The following FILIP1 variants were observed in gnomAD, a reference collection of about 807,000 sequenced individuals.
FILIP1 encodes the protein filamin A interacting protein 1.
FILIP1 carries 61 observed loss-of-function variants against 102.1 expected under a neutral mutation model. That is an observed-to-expected ratio of 0.60 (90% confidence interval 0.49 to 0.74). The LOEUF is 0.74. FILIP1 is among the 30% of genes least tolerant of loss of function. The probability of loss-of-function intolerance (pLI) is 0.00; values close to 1 mark genes in which losing one functional copy is unlikely to be tolerated. For missense variants in FILIP1, 1,314 were observed against 1,441.2 expected (o/e 0.91, Z 1.43); for synonymous variants, 491 against 526.9 (o/e 0.93, Z 0.93).
At chr6:75,396,600 C>G (rs549319425) in intron 2 of FILIP1, among the ~76,000 whole-genome samples, 9 of 152,210 alleles carry the variant, frequency 5.9e-5, no homozygotes, top group Non-Finnish European at 1.0e-4. Flanking sequence ...TTGATCTCCT[C>G]TCTGCTGTAG....
At chr6:75,379,651 CT>C (rs1330132195) in intron 2 of FILIP1, among the ~76,000 whole-genome samples, 1 of 152,200 alleles carries the variant, frequency 6.6e-6, no homozygotes, top group East Asian at 1.9e-4. Context: ...ACTACCTCCT[CT>C]CTCCTTGGCT....
downstream of FILIP1, among the ~76,000 whole-genome samples, chr6:75,306,573 T>C (rs140738847): frequency 3.3e-5 from 5 of 152,312 alleles, no homozygotes; most frequent in East Asian, 9.6e-4. Context: ...GCGTTGAATG[T>C]TCACTTTATG....
chr6:75,485,992 C>CACAT (rs1325428788), intron 1 of FILIP1, among the ~76,000 whole-genome samples: 5 of 138,464 alleles, frequency 3.6e-5, no homozygotes, highest in Middle Eastern at 3.5e-3. Flanking sequence ...CACACACACA[C>CACAT]ACACATACAC....
At chr6:75,307,939 TTTA>T, downstream of FILIP1, 1 of 724,660 alleles carries the variant, frequency 1.4e-6, no homozygotes, top group Non-Finnish European at 1.7e-6. Context: ...TATTCCACAA[TTTA>T]AATCAATTGC....
intron 4 of FILIP1, among the ~76,000 whole-genome samples, chr6:75,327,744 A>G (rs1773920772): frequency 6.6e-6 from 1 of 151,836 alleles, no homozygotes; most frequent in African/African-American, 2.4e-5. Flanking sequence ...TATTCTTTAT[A>G]AATTAATAAA....
chr6:75,390,650 T>G (rs558565262), intron 2 of FILIP1, among the ~76,000 whole-genome samples: 1 of 152,214 alleles, frequency 6.6e-6, no homozygotes, highest in East Asian at 1.9e-4. Flanking sequence ...TGCTAAACCA[T>G]TCATGAGAAA....
In FILIP1 at chr6:75,351,687, C is replaced by T. The variant is rs114751645; in HGVS notation, c.629+1852G>A. Among the ~76,000 whole-genome samples, 1,259 of 152,250 alleles carry T rather than the reference C, an allele frequency of 8.3e-3. 25 individuals are homozygous for T. The highest frequency in any genetic ancestry group is 0.028 in the African/African-American group (1,172 of 41,534). The stretch of plus-strand genomic sequence containing the variant: ...GGCTGTGCCATATAGCCTAGGTGTG[C>T]AGTTGGCTATACATCTAAGTTTGTG... On this transcript the variant is annotated intron_variant, in intron 4 of 5. Coordinates refer to ENST00000237172, the MANE Select transcript of FILIP1 (RefSeq NM_015687.5).
intron 1 of FILIP1, among the ~76,000 whole-genome samples, chr6:75,415,866 T>C (rs1777249706): frequency 6.6e-6 from 1 of 152,168 alleles, no homozygotes; most frequent in South Asian, 2.1e-4. Flanking sequence ...TTACAGTTTC[T>C]CTGTCAGTCT....
At chr6:75,346,101 C>T (rs772047182) in intron 4 of FILIP1, among the ~76,000 whole-genome samples, 1 of 152,088 alleles carries the variant, frequency 6.6e-6, no homozygotes, top group Non-Finnish European at 1.5e-5. Context: ...CTAATAGGCT[C>T]TGAGTTTATA....
At chr6:75,434,862 A>T (rs1339652946) in intron 1 of FILIP1, among the ~76,000 whole-genome samples, 2 of 152,222 alleles carry the variant, frequency 1.3e-5, no homozygotes, top group Non-Finnish European at 2.9e-5. Flanking sequence ...GATACGTCCC[A>T]TCAATACCTA....
At chr6:75,347,025 T>C (rs1774609008) in intron 4 of FILIP1, among the ~76,000 whole-genome samples, 1 of 152,150 alleles carries the variant, frequency 6.6e-6, no homozygotes, top group South Asian at 2.1e-4. Flanking sequence ...GTCTGTGAAT[T>C]TGAACCTTAA....
At chr6:75,389,171 G>A (rs1453358597) in intron 2 of FILIP1, among the ~76,000 whole-genome samples, 1 of 152,130 alleles carries the variant, frequency 6.6e-6, no homozygotes. Context: ...GATGGATTAC[G>A]TTTATTGATT....
chr6:75,400,811 T>G (rs1230789417), intron 2 of FILIP1, among the ~76,000 whole-genome samples: 1 of 152,114 alleles, frequency 6.6e-6, no homozygotes, highest in East Asian at 1.9e-4. Context: ...AGAGACACTT[T>G]ACTTTTAGTG....
At chr6:75,330,444 C>G (rs781539666) in intron 4 of FILIP1, among the ~76,000 whole-genome samples, 24 of 151,982 alleles carry the variant, frequency 1.6e-4, no homozygotes, top group Non-Finnish European at 2.2e-4. Context: ...CGTTTTGGAG[C>G]CTGTGATCTC....
chr6:75,305,389 A>C (rs138585157), downstream of FILIP1, among the ~76,000 whole-genome samples: 1 of 152,332 alleles, frequency 6.6e-6, no homozygotes, highest in African/African-American at 2.4e-5. Flanking sequence ...CTCCGAAATT[A>C]TACTCTTCCC....
At chr6:75,389,951 G>A (rs1776227898) in intron 2 of FILIP1, among the ~76,000 whole-genome samples, 1 of 151,970 alleles carries the variant, frequency 6.6e-6, no homozygotes, top group Non-Finnish European at 1.5e-5. Flanking sequence ...TTGCTCTAAG[G>A]TAGTTATTCT....
rs146239584 is a variant in FILIP1 at position 75,315,030 on chromosome 6, C to T, written c.802G>A (p.Val268Ile). ...CTCAGCTTCTGAGTAAGATCCTGTA[C>T]TTTCTGGCTTTGCAGGCCAAGTTGT... ...IEQLGLQSQKVQDLTQKLREE... is the reference protein window; with the variant it reads ...IEQLGLQSQKIQDLTQKLREE... The change falls in exon 5 of 6, where the codon GTA becomes ATA. Residue 268 changes from valine (V) to isoleucine (I), a missense_variant. Val to Ile is a conservative substitution (Grantham distance 29). Around this residue, in one of 3 missense-constraint regions of FILIP1, gnomAD observed 494 missense variants for 511.2 expected, o/e 0.97. Coordinates refer to ENST00000237172, the MANE Select transcript of FILIP1 (RefSeq NM_015687.5). 20 of 1,613,990 alleles carry T rather than the reference C, an allele frequency of 1.2e-5. No individual in the cohort carries two copies. The highest frequency in any genetic ancestry group is 1.7e-5 in the Non-Finnish European group (20 of 1,180,008).
At chr6:75,316,039 A>T (rs1053585561) in intron 4 of FILIP1, among the ~76,000 whole-genome samples, 3 of 152,208 alleles carry the variant, frequency 2.0e-5, no homozygotes, top group Non-Finnish European at 2.9e-5. Flanking sequence ...CAAGAACTAG[A>T]TAGCAAGAAA....
At chr6:75,466,613 G>A (rs1424880218) in intron 1 of FILIP1, among the ~76,000 whole-genome samples, 1 of 152,088 alleles carries the variant, frequency 6.6e-6, no homozygotes, top group Non-Finnish European at 1.5e-5. Context: ...TAAAATCTGG[G>A]ATTACATTTA....
Sources: allele counts gnomAD v4.1 joint callset (sites outside exome capture counted in the v4.1 genomes callset), GRCh38; gene constraint gnomAD v4.1.1; regional missense constraint gnomAD v4.1.1; transcripts MANE v1.5; gene names NCBI Gene and HGNC (gene_info 2026-07-23, HGNC 2026-07-21).